The following SLIT2 variants were observed in gnomAD, a reference collection of about 807,000 sequenced individuals.
SLIT2 encodes the protein slit homolog 2 protein.
A neutral mutation model predicts 185.7 loss-of-function variants in SLIT2; 41 were observed. The ratio of observed to expected loss-of-function variants is 0.22; its 90% confidence interval spans 0.17 to 0.29. The LOEUF is 0.29. Among genes scored for constraint, SLIT2 ranks in the 10% least tolerant of loss-of-function variants. SLIT2 has a pLI of 1.00. For synonymous variants in SLIT2, 693 were observed against 680.2 expected (o/e 1.02, Z -0.29); for missense variants, 1,571 against 1,909.0 (o/e 0.82, Z 3.30).
At chr4:20,360,857 A>G (rs1722680692) in intron 4 of SLIT2, among the ~76,000 whole-genome samples, 2 of 152,152 alleles carry the variant, frequency 1.3e-5, no homozygotes, top group South Asian at 2.1e-4. Flanking sequence ...TCCACATTAC[A>G]TGTATGAATT....
intron 26 of SLIT2, 45 bp downstream of exon 26, chr4:20,554,013 T>G (rs1370031247): frequency 2.8e-6 from 4 of 1,445,856 alleles, no homozygotes; most frequent in Non-Finnish European, 2.8e-6. Flanking sequence ...ATTACTATAT[T>G]AAGTAAAAAA....
Position 20,617,499 on chromosome 4 carries a change from G to T in SLIT2, c.4197G>T (p.Glu1399Asp). The T allele has an allele frequency of 6.2e-7, 1 of 1,614,102 alleles. No individual in the cohort carries two copies. Among genetic ancestry groups the T allele is most frequent in the Non-Finnish European group, 8.5e-7 (1 of 1,179,982 alleles). Residue 1399 changes from glutamate to aspartate, a missense_variant, in exon 36 of 37, where the codon GAG becomes GAT. Around this residue, in one of 3 missense-constraint regions of SLIT2, gnomAD observed 223 missense variants for 245.2 expected, o/e 0.91. Transcript: ENST00000504154. Reference sequence around the variant, plus strand: ...TCTCCTACAGCTGTAAGTGCTTGGAGGGCCATGGAGGTGTCCTCTGTGATG... The same window carrying T: ...TCTCCTACAGCTGTAAGTGCTTGGATGGCCATGGAGGTGTCCTCTGTGATG... ...NAFSYSCKCLEGHGGVLCDEE... is the reference protein window; with the variant it reads ...NAFSYSCKCLDGHGGVLCDEE...
chr4:20,484,008 A>G lies in SLIT2; in HGVS notation c.540-2192A>G, dbSNP rs73252436. ...TTCCAGCATCAGTACAGAATAAAAT[A>G]CTAAGATAATGTATTCCTTTAGTTG... On this transcript the variant is annotated intron_variant, in intron 6 of 36. Coordinates refer to ENST00000504154, the MANE Select transcript of SLIT2 (RefSeq NM_004787.4). This position sits in a 1 kb window ranked among gnomAD's most constrained non-coding sequence, Gnocchi z 4.3. Among the ~76,000 whole-genome samples, 14 of 152,232 alleles carry G rather than the reference A, an allele frequency of 9.2e-5. No homozygotes were observed. Among genetic ancestry groups the G allele is most frequent in the African/African-American group, 2.6e-4 (11 of 41,566 alleles).
intron 5 of SLIT2, among the ~76,000 whole-genome samples, chr4:20,470,790 G>A (rs1301971204): frequency 6.6e-6 from 1 of 152,108 alleles, no homozygotes; most frequent in Non-Finnish European, 1.5e-5. Context: ...TGGCCAGGCT[G>A]GTGTTGAACT....
Position 20,533,566 on chromosome 4 carries a change from A to G in SLIT2, c.1689-6A>G, listed in dbSNP as rs900064488. On this transcript the variant is annotated splice_polypyrimidine_tract_variant and splice_region_variant and intron_variant, in intron 17 of 36. Transcript: ENST00000504154. ...TAAAACCTTTGTTCCAACAATTTTTATTTAGAAACTTTAGCAACAATAAGA... is the reference window on the plus strand; with the variant it reads ...TAAAACCTTTGTTCCAACAATTTTTGTTTAGAAACTTTAGCAACAATAAGA... 1.3e-6 allele frequency: 2 copies of G among 1,597,436 alleles called. No homozygotes were observed. Among genetic ancestry groups the G allele is most frequent in the East Asian group, 4.5e-5 (2 of 44,812 alleles).
At chr4:20,518,313 C>T (rs1486877386) in intron 11 of SLIT2, among the ~76,000 whole-genome samples, 4 of 136,762 alleles carry the variant, frequency 2.9e-5, no homozygotes, top group Non-Finnish European at 4.7e-5. Flanking sequence ...AGTGCAGTGG[C>T]GCGATCTCGG....
At chr4:20,398,881 A>G (rs1215543571) in intron 4 of SLIT2, among the ~76,000 whole-genome samples, 1 of 151,842 alleles carries the variant, frequency 6.6e-6, no homozygotes, top group African/African-American at 2.4e-5. Flanking sequence ...TTTCGACAAT[A>G]CAAAATTCTA....
At chr4:20,465,080 A>G (rs1049283909) in intron 4 of SLIT2, among the ~76,000 whole-genome samples, 1 of 152,190 alleles carries the variant, frequency 6.6e-6, no homozygotes. Flanking sequence ...GCAAATAACA[A>G]TTAAGTCGGA....
chr4:20,549,789 T>C (rs933524091), intron 24 of SLIT2, among the ~76,000 whole-genome samples: 5 of 151,874 alleles, frequency 3.3e-5, no homozygotes, highest in African/African-American at 1.2e-4. Context: ...TTTATACATA[T>C]ATATAACTCA....
At chr4:20,271,657 C>T (rs898925800) in intron 4 of SLIT2, among the ~76,000 whole-genome samples, 7 of 151,360 alleles carry the variant, frequency 4.6e-5, no homozygotes, top group African/African-American at 1.7e-4. Context: ...TTATTGTATA[C>T]TTTATTCATA....
chr4:20,421,988 C>A (rs1728205174), intron 4 of SLIT2, among the ~76,000 whole-genome samples: 1 of 152,160 alleles, frequency 6.6e-6, no homozygotes, highest in Non-Finnish European at 1.5e-5. Context: ...ATGGACGGAA[C>A]ACCTCCACAA....
At chr4:20,523,559 G>T (rs1329990490) in intron 12 of SLIT2, among the ~76,000 whole-genome samples, 1 of 152,094 alleles carries the variant, frequency 6.6e-6, no homozygotes. Context: ...CTAGATTTAG[G>T]TTCATTTGAT....
intron 4 of SLIT2, among the ~76,000 whole-genome samples, chr4:20,320,769 C>G (rs1452646984): frequency 6.6e-6 from 1 of 152,158 alleles, no homozygotes; most frequent in Non-Finnish European, 1.5e-5. Flanking sequence ...ATCTGCATAG[C>G]CCACTCCAAC....
intron 4 of SLIT2, among the ~76,000 whole-genome samples, chr4:20,331,072 C>A (rs1367276560): frequency 3.2e-4 from 49 of 152,080 alleles, no homozygotes. Flanking sequence ...GGACACATGA[C>A]TGTGTTGTAA....
intron 4 of SLIT2, among the ~76,000 whole-genome samples, chr4:20,345,052 C>T (rs889856739): frequency 6.6e-6 from 1 of 152,036 alleles, no homozygotes; most frequent in African/African-American, 2.4e-5. Flanking sequence ...TAGTAAAATA[C>T]ATAAGTTATG....
intron 4 of SLIT2, among the ~76,000 whole-genome samples, chr4:20,343,475 A>G (rs1721127831): frequency 2.6e-5 from 4 of 151,868 alleles, no homozygotes; most frequent in Admixed American, 2.0e-4. Flanking sequence ...ATAACCCTGT[A>G]TTGCTGATAA....
intron 4 of SLIT2, among the ~76,000 whole-genome samples, chr4:20,461,797 G>A (rs998302800): frequency 6.6e-6 from 1 of 152,196 alleles, no homozygotes; most frequent in Admixed American, 6.5e-5. Context: ...AAGGCTTCAG[G>A]AAGATGTGTT....
intron 4 of SLIT2, among the ~76,000 whole-genome samples, chr4:20,360,711 A>T (rs1722670359): frequency 1.3e-5 from 2 of 152,270 alleles, no homozygotes; most frequent in African/African-American, 2.4e-5. Flanking sequence ...GCTGAATTAG[A>T]TTTCTTAATA....
intron 4 of SLIT2, among the ~76,000 whole-genome samples, chr4:20,319,405 T>A (rs186251561): frequency 2.6e-5 from 4 of 152,304 alleles, no homozygotes; most frequent in Admixed American, 2.6e-4. Context: ...GCCCATGTTT[T>A]TCAGGTCTCT....
Sources: allele counts gnomAD v4.1 joint callset (sites outside exome capture counted in the v4.1 genomes callset), GRCh38; gene constraint gnomAD v4.1.1; regional missense constraint gnomAD v4.1.1; non-coding constraint Gnocchi (gnomAD v3.1); transcripts MANE v1.5; gene names NCBI Gene and HGNC (gene_info 2026-07-23, HGNC 2026-07-21).